SPAG17: variants seen among roughly 807,000 people sequenced by gnomAD.
SPAG17 encodes the protein sperm associated antigen 17, also known as sperm-associated antigen 17.
SPAG17 carries 169 observed loss-of-function variants against 273.6 expected under a neutral mutation model. That is an observed-to-expected ratio of 0.62 (90% confidence interval 0.55 to 0.70). The LOEUF is 0.70. Ranked by LOEUF, SPAG17 falls within the 30% of genes least tolerant of loss-of-function variation. The pLI, the probability that SPAG17 is intolerant of heterozygous loss-of-function variation, is 0.00. For synonymous variants in SPAG17, 825 were observed against 873.2 expected (o/e 0.94, Z 0.97); for missense variants, 2,557 against 2,627.8 (o/e 0.97, Z 0.59).
At chr1:118,102,010 T>A in intron 4 of SPAG17, 84 bp from the exon 5 acceptor site, 4 of 1,105,408 alleles carry the variant, frequency 3.6e-6, no homozygotes, top group Non-Finnish European at 4.0e-6. Flanking sequence ...TAATTCTTCA[T>A]CTCATTCAAT....
chr1:118,026,228 G>C (rs1023789601), intron 26 of SPAG17, among the ~76,000 whole-genome samples: 2 of 152,148 alleles, frequency 1.3e-5, no homozygotes, highest in African/African-American at 4.8e-5. Context: ...GATTTATCTA[G>C]CATTTTGCTG....
intron 32 of SPAG17, among the ~76,000 whole-genome samples, chr1:117,998,458 C>A (rs1657906259): frequency 6.6e-6 from 1 of 152,082 alleles, no homozygotes; most frequent in Admixed American, 6.6e-5. Flanking sequence ...GTTATTGCAG[C>A]CCTGTAGTAC....
At chr1:118,144,945 G>T (rs1658888250) in intron 3 of SPAG17, among the ~76,000 whole-genome samples, 1 of 152,158 alleles carries the variant, frequency 6.6e-6, no homozygotes, top group African/African-American at 2.4e-5. Context: ...TAACTGGCCT[G>T]CAATTTCCTG....
chr1:117,969,888 T>C (rs2101489270), intron 46 of SPAG17, among the ~76,000 whole-genome samples, 168 bp downstream of exon 46: 1 of 152,338 alleles, frequency 6.6e-6, no homozygotes, highest in Middle Eastern at 3.4e-3. Context: ...TCAAGCCACA[T>C]ACTGTATCAC....
rs904828397 is a variant in SPAG17 at position 118,048,604 on chromosome 1, A to G, written c.2814+5398T>C. 7.2e-5 allele frequency among the ~76,000 whole-genome samples: 11 copies of G among 152,202 alleles called. No individual in the cohort carries two copies. The East Asian group carries it at 2.1e-3, about 29-fold the overall frequency. ...AGACATTACAAATGGTACCAAAGAA[A>G]TACAAAGGATCAGCCGGGCGCAGTG... On this transcript the variant is annotated intron_variant, in intron 20 of 48. Transcript: ENST00000336338.
chr1:118,025,187 G>A, intron 27 of SPAG17, 51 bp downstream of exon 27: 1 of 1,570,782 alleles, frequency 6.4e-7, no homozygotes, highest in Non-Finnish European at 8.7e-7. Context: ...CCCATAAGTT[G>A]TCTTTTACTT....
chr1:118,155,880 G>T (rs1659623466), intron 1 of SPAG17, among the ~76,000 whole-genome samples: 1 of 152,164 alleles, frequency 6.6e-6, no homozygotes, highest in South Asian at 2.1e-4. Context: ...ATCTCCATCA[G>T]CAAGGAGTGT....
Position 118,039,360 on chromosome 1 carries a change from T to C in SPAG17, c.3251A>G (p.Lys1084Arg). Residue 1084 changes from lysine to arginine, a missense_variant, in exon 23 of 49, where the codon AAG (lysine) becomes AGG (arginine). Lys to Arg is a conservative substitution (Grantham distance 26, BLOSUM62 2). Coordinates refer to ENST00000336338, the MANE Select transcript of SPAG17 (RefSeq NM_206996.4). ...HLNDPKEIVK[K>R]EEKGDYYLEE... ...TAAATAATAATCCCCTTTCTCTTCC[T>C]TTTTCACAATTTCCTTAGGGTCATT... The C allele has an allele frequency of 6.2e-7, 1 of 1,613,280 alleles. No individual in the cohort carries two copies. The highest frequency in any genetic ancestry group is 1.1e-5 in the South Asian group (1 of 91,050).
intron 19 of SPAG17, among the ~76,000 whole-genome samples, chr1:118,055,177 C>T (rs570187991): frequency 2.6e-4 from 40 of 152,178 alleles, no homozygotes; most frequent in African/African-American, 9.6e-4. Flanking sequence ...ACCACCACAA[C>T]ATCATCAACA....
At chr1:118,106,855 G>A (rs1160757842) in intron 4 of SPAG17, among the ~76,000 whole-genome samples, 1 of 152,216 alleles carries the variant, frequency 6.6e-6, no homozygotes, top group Non-Finnish European at 1.5e-5. Flanking sequence ...TAGGTAGGGT[G>A]TGAGAGCCTG....
chr1:117,975,569 C>T (rs74114952), intron 43 of SPAG17, among the ~76,000 whole-genome samples: 3,846 of 152,174 alleles, frequency 0.025, 163 homozygotes, highest in African/African-American at 0.086. Flanking sequence ...GTGTTGGAAC[C>T]ACAAGGAACA....
chr1:118,042,762 A>G (rs1194560953), intron 20 of SPAG17, among the ~76,000 whole-genome samples: 1 of 152,138 alleles, frequency 6.6e-6, no homozygotes, highest in Non-Finnish European at 1.5e-5. Flanking sequence ...CAAGTAACCA[A>G]TGGAATCCTC....
rs749021516 is a variant in SPAG17 at position 117,979,845 on chromosome 1, TGTCTC to T, written c.6004+1420_6004+1424del. ...TGCAGGGCTGACTCCTTCTTATACT[TGTCTC>T]AACTCAACTATTTTTTTACAATGAG... On this transcript the variant is annotated intron_variant, in intron 43 of 48. Coordinates refer to ENST00000336338, the MANE Select transcript of SPAG17 (RefSeq NM_206996.4). Among the ~76,000 whole-genome samples the T allele has an allele frequency of 1.4e-4, 22 of 152,344 alleles. 1 individual carries two copies. Among genetic ancestry groups the T allele is most frequent in the Admixed American group, 3.9e-4 (6 of 15,302 alleles).
At chr1:117,982,239 T>A (rs1655909003) in intron 42 of SPAG17, among the ~76,000 whole-genome samples, 1 of 130,778 alleles carries the variant, frequency 7.6e-6, no homozygotes, top group African/African-American at 2.5e-5. Context: ...CTCTATCTGC[T>A]TATTTTTTTT....
intron 30 of SPAG17, among the ~76,000 whole-genome samples, chr1:118,009,268 C>T (rs1406805607): frequency 4.0e-5 from 6 of 151,726 alleles, no homozygotes; most frequent in Non-Finnish European, 7.4e-5. Flanking sequence ...CACACACACA[C>T]ACACACACAC....
chr1:118,023,306 T>C lies in SPAG17; in HGVS notation c.4067A>G (p.Lys1356Arg). Residue 1356 changes from lysine to arginine, a missense_variant and splice_region_variant, in exon 28 of 49, where the codon AAA (lysine) becomes AGA (arginine). Transcript: ENST00000336338. ...TIPSEITNTKKGKSHKSQSSM... is the reference protein window; with the variant it reads ...TIPSEITNTKRGKSHKSQSSM... ...AACTGAGAGGCTTCAATTGTTACCTTTCTTTGTGTTGGTAATCTCAGATGG... is the reference window on the plus strand; with the variant it reads ...AACTGAGAGGCTTCAATTGTTACCTCTCTTTGTGTTGGTAATCTCAGATGG... 6.2e-7 allele frequency: 1 copy of C among 1,609,446 alleles called. No individual in the cohort carries two copies. The highest frequency in any genetic ancestry group is 8.5e-7 in the Non-Finnish European group (1 of 1,177,430).
intron 20 of SPAG17, among the ~76,000 whole-genome samples, chr1:118,050,039 T>C (rs887468055): frequency 2.6e-5 from 4 of 152,174 alleles, no homozygotes; most frequent in African/African-American, 9.7e-5. Flanking sequence ...AACTGGTATA[T>C]GACCTTTCTC....
At chr1:118,106,726 A>G (rs1180926049) in intron 4 of SPAG17, among the ~76,000 whole-genome samples, 4 of 152,224 alleles carry the variant, frequency 2.6e-5, no homozygotes, top group Admixed American at 2.6e-4. Flanking sequence ...TTTAAAGTTT[A>G]CCTGGAAGAA....
chr1:118,092,358 A>G (rs576827359), intron 8 of SPAG17, among the ~76,000 whole-genome samples: 1 of 152,224 alleles, frequency 6.6e-6, no homozygotes, highest in South Asian at 2.1e-4. Flanking sequence ...CATTGCCTAC[A>G]TGATATAAAC....
Sources: allele counts gnomAD v4.1 joint callset (sites outside exome capture counted in the v4.1 genomes callset), GRCh38; gene constraint gnomAD v4.1.1; transcripts MANE v1.5; gene names NCBI Gene and HGNC (gene_info 2026-07-23, HGNC 2026-07-21).